The following SMIM13 variants were observed in gnomAD, a reference collection of about 807,000 sequenced individuals.
SMIM13 encodes the protein small integral membrane protein 13.
Under a neutral mutation model 5.9 loss-of-function variants are expected in SMIM13, and 3 were observed. The observed-to-expected ratio is 0.51, with a 90% CI of 0.23 to 1.31. The LOEUF (loss-of-function observed/expected upper bound fraction) is 1.31. Ranked by LOEUF, SMIM13 falls within the 40% of genes most tolerant of loss-of-function variation. The pLI, the probability that SMIM13 is intolerant of heterozygous loss-of-function variation, is 0.18. For synonymous variants in SMIM13, 55 were observed against 46.0 expected (o/e 1.19, Z -0.79); for missense variants, 85 against 109.9 (o/e 0.77, Z 1.01).
chr6:11,125,714 A>C (rs1758369080), intron 1 of SMIM13, among the ~76,000 whole-genome samples: 1 of 152,122 alleles, frequency 6.6e-6, no homozygotes, highest in East Asian at 1.9e-4. Flanking sequence ...CAAGCTTTTG[A>C]GTATCTTACT....
intron 1 of SMIM13, among the ~76,000 whole-genome samples, chr6:11,123,380 T>A (rs1758336091): frequency 6.6e-6 from 1 of 152,250 alleles, no homozygotes; most frequent in Non-Finnish European, 1.5e-5. Flanking sequence ...TTCCCCTTTT[T>A]TTGTTTAAGC....
rs888261524 is a variant in SMIM13, at chr6:11,137,612, G to A, written c.*3010G>A. The A allele has an allele frequency of 3.9e-5, 6 of 152,160 alleles. No homozygotes were observed. Among genetic ancestry groups the A allele is most frequent in the Non-Finnish European group, 5.9e-5 (4 of 68,022 alleles). 9.4% of individuals were successfully genotyped at this position (152,160 alleles called of 1,614,324 possible). On this transcript the variant is annotated 3_prime_UTR_variant, in exon 2 of 2. Transcript: ENST00000416247. Reference sequence around the variant, plus strand: ...TCTTTTGAAGATTAATTCTAAAATTGAGGACTCTGGTAGGTTGTTTTATTT... The same window carrying A: ...TCTTTTGAAGATTAATTCTAAAATTAAGGACTCTGGTAGGTTGTTTTATTT...
chr6:11,094,270 G>T lies in SMIM13; in HGVS notation c.-44G>T. 2.3e-6 allele frequency: 3 copies of T among 1,285,506 alleles called. No individual in the cohort carries two copies. Among genetic ancestry groups the T allele is most frequent in the Non-Finnish European group, 3.0e-6 (3 of 990,230 alleles). The allele number at this position is 1,285,506 out of a possible 1,614,324, so 79.6% of individuals were successfully genotyped here. A position where few individuals can be genotyped will look rare whatever the true frequency, so the allele number is the denominator to read the frequency against. ...CGCGCCGCCGCCCGCGCTCACCGCC[G>T]TCCGCGCCAGCCGCCCCGAGCCGAC... is the stretch of plus-strand genomic sequence containing the variant. On this transcript the variant is annotated 5_prime_UTR_variant, in exon 1 of 2. Coordinates refer to ENST00000416247, the MANE Select transcript of SMIM13 (RefSeq NM_001135575.2).
intron 1 of SMIM13, among the ~76,000 whole-genome samples, chr6:11,114,449 A>T (rs568697678): frequency 9.6e-4 from 145 of 150,742 alleles, no homozygotes; most frequent in African/African-American, 3.3e-3. Flanking sequence ...ATTTTAATAG[A>T]TATTCTTTAT....
At chr6:11,117,305 A>T (rs144703381) in intron 1 of SMIM13, among the ~76,000 whole-genome samples, 30,224 of 144,828 alleles carry the variant, frequency 0.21, 3,582 homozygotes, top group East Asian at 0.47. Context: ...CTGGGACTAC[A>T]GGCGCCCGCC....
In SMIM13 at chr6:11,105,330, G is replaced by A. The variant is rs574423509; in HGVS notation, c.76+10941G>A. On this transcript the variant is annotated intron_variant, in intron 1 of 1. Coordinates refer to ENST00000416247, the MANE Select transcript of SMIM13 (RefSeq NM_001135575.2). ...GCCCATGGTGACCTAAGAGAAACTG[G>A]TCACAAAACGAGCTGCCAATGGAAC... 1.3e-4 allele frequency: 212 copies of A among 1,578,638 alleles called. 2 individuals are homozygous for A. The South Asian group carries it at 2.3e-3, about 17-fold the overall frequency.
chr6:11,107,574 A>G (rs1281603077), intron 1 of SMIM13, among the ~76,000 whole-genome samples: 2 of 152,172 alleles, frequency 1.3e-5, no homozygotes, highest in Admixed American at 1.3e-4. Context: ...CTCCCACTCA[A>G]ATGCAAATAG....
At chr6:11,129,871 A>T (rs1010929934) in intron 1 of SMIM13, among the ~76,000 whole-genome samples, 1 of 152,088 alleles carries the variant, frequency 6.6e-6, no homozygotes, top group Non-Finnish European at 1.5e-5. Flanking sequence ...GCTCAGTCAT[A>T]CTTTTCCTGG....
rs1369622812 is a variant in SMIM13 at position 11,116,682 on chromosome 6, G to A, written c.77-17721G>A. ...TTTCTTAATTAGCCTTTTAACACCT[G>A]TAGGATCTGATATTGATTATTTGTG... On this transcript the variant is annotated intron_variant, in intron 1 of 1. Transcript: ENST00000416247. 5.3e-5 allele frequency among the ~76,000 whole-genome samples: 8 copies of A among 152,278 alleles called. No individual in the cohort carries two copies. In the East Asian group the frequency reaches 1.5e-3, roughly 29 times the overall value.
At chr6:11,112,425 G>T (rs1758181866) in intron 1 of SMIM13, among the ~76,000 whole-genome samples, 1 of 152,046 alleles carries the variant, frequency 6.6e-6, no homozygotes, top group African/African-American at 2.4e-5. Flanking sequence ...GCTAATTTTT[G>T]TATTTTTAGT....
intron 1 of SMIM13, among the ~76,000 whole-genome samples, chr6:11,113,281 A>G (rs1473962659): frequency 6.6e-6 from 1 of 152,248 alleles, no homozygotes; most frequent in Admixed American, 6.5e-5. Flanking sequence ...CTCCGCATCC[A>G]TCACCAACAT....
chr6:11,133,662 T>C (rs1383974601), intron 1 of SMIM13, among the ~76,000 whole-genome samples: 1 of 152,112 alleles, frequency 6.6e-6, no homozygotes, highest in Non-Finnish European at 1.5e-5. Flanking sequence ...TCCTGTGTGT[T>C]CCTTTATTGA....
chr6:11,126,746 C>T (rs943130188), intron 1 of SMIM13, among the ~76,000 whole-genome samples: 3 of 152,044 alleles, frequency 2.0e-5, no homozygotes, highest in Admixed American at 6.5e-5. Flanking sequence ...ACAATCTGGG[C>T]TTGTTTGTAC....
chr6:11,095,245 C>T (rs937578865), intron 1 of SMIM13, among the ~76,000 whole-genome samples: 4 of 152,220 alleles, frequency 2.6e-5, no homozygotes, highest in African/African-American at 9.7e-5. Context: ...AGGGCTTGTT[C>T]ATTACACGAT....
At chr6:11,109,733 G>A (rs1758140856) in intron 1 of SMIM13, among the ~76,000 whole-genome samples, 1 of 152,130 alleles carries the variant, frequency 6.6e-6, no homozygotes, top group Admixed American at 6.5e-5. Flanking sequence ...CTGTATTACA[G>A]AAAAATATTA....
chr6:11,119,794 A>T (rs1158351539), intron 1 of SMIM13, among the ~76,000 whole-genome samples: 1 of 152,234 alleles, frequency 6.6e-6, no homozygotes, highest in Admixed American at 6.5e-5. Context: ...GAAATGTCTT[A>T]TGATTATTGG....
At chr6:11,096,570 C>G (rs932109145) in intron 1 of SMIM13, among the ~76,000 whole-genome samples, 2 of 152,074 alleles carry the variant, frequency 1.3e-5, no homozygotes, top group East Asian at 1.9e-4. Flanking sequence ...GGAGAGGAGG[C>G]AAGGATCAGA....
chr6:11,132,045 A>G lies in SMIM13; in HGVS notation c.77-2358A>G, dbSNP rs1758456274. Among the ~76,000 whole-genome samples, 7 of 152,190 alleles carry G rather than the reference A, an allele frequency of 4.6e-5. No homozygotes were observed. The South Asian group carries it at 1.4e-3, about 32-fold the overall frequency. On this transcript the variant is annotated intron_variant, in intron 1 of 1. Transcript: ENST00000416247. ...TACCTGATAAGCATCTAATAGCTAGAATATACTAAGAACTCTTACAACTCA... is the reference window on the plus strand; with the variant it reads ...TACCTGATAAGCATCTAATAGCTAGGATATACTAAGAACTCTTACAACTCA...
intron 1 of SMIM13, among the ~76,000 whole-genome samples, chr6:11,123,165 T>A (rs1446514310): frequency 3.3e-5 from 5 of 152,200 alleles, no homozygotes; most frequent in Non-Finnish European, 5.9e-5. Context: ...CGTTGTGTTT[T>A]TTCTAGGTTT....
Sources: allele counts gnomAD v4.1 joint callset (sites outside exome capture counted in the v4.1 genomes callset), GRCh38; gene constraint gnomAD v4.1.1; transcripts MANE v1.5; gene names NCBI Gene and HGNC (gene_info 2026-07-23, HGNC 2026-07-21).